DDAH1: variants seen among roughly 807,000 people sequenced by gnomAD.
DDAH1 encodes N(G),N(G)-dimethylarginine dimethylaminohydrolase 1.
A neutral mutation model predicts 28.8 loss-of-function variants in DDAH1; 19 were observed. The ratio of observed to expected loss-of-function variants is 0.66; its 90% CI spans 0.46 to 0.97. The LOEUF (loss-of-function observed/expected upper bound fraction) is 0.97, where lower values mean the gene tolerates loss of function less well. Among genes scored for constraint, DDAH1 ranks in the 50% least tolerant of loss-of-function variants. The pLI, the probability that DDAH1 is intolerant of heterozygous loss-of-function variation, is 0.00. For synonymous variants in DDAH1, 153 were observed against 154.4 expected (o/e 0.99, Z 0.07); for missense variants, 326 against 375.9 (o/e 0.87, Z 1.10).
At chr1:85,456,388 G>A (rs772093381) in intron 1 of DDAH1, among the ~76,000 whole-genome samples, 1 of 152,208 alleles carries the variant, frequency 6.6e-6, no homozygotes, top group Admixed American at 6.5e-5. Context: ...CCTAATTTAT[G>A]ATGGTTCAAC....
intron 1 of DDAH1, among the ~76,000 whole-genome samples, chr1:85,546,414 T>C (rs1379363329): frequency 1.3e-5 from 2 of 152,182 alleles, no homozygotes; most frequent in Non-Finnish European, 2.9e-5. Flanking sequence ...TTCAGAACTG[T>C]GAGCTAGTAA....
intron 2 of DDAH1, among the ~76,000 whole-genome samples, chr1:85,358,504 C>T (rs1431989374): frequency 6.6e-6 from 1 of 152,114 alleles, no homozygotes; most frequent in Non-Finnish European, 1.5e-5. Context: ...CAAAAATTAG[C>T]TGGGCATGGT....
At chr1:85,343,232 C>T (rs1648618494) in intron 4 of DDAH1, among the ~76,000 whole-genome samples, 1 of 152,190 alleles carries the variant, frequency 6.6e-6, no homozygotes. Context: ...TCCTACTTGG[C>T]CAATTTTGAC....
intron 2 of DDAH1, among the ~76,000 whole-genome samples, chr1:85,476,043 T>C (rs1655791947): frequency 6.6e-6 from 1 of 152,092 alleles, no homozygotes; most frequent in Admixed American, 6.6e-5. Context: ...TTTGTGTTTT[T>C]ATACAGACAG....
chr1:85,479,671 A>T (rs1180598915), intron 2 of DDAH1, among the ~76,000 whole-genome samples: 1 of 152,194 alleles, frequency 6.6e-6, no homozygotes, highest in Non-Finnish European at 1.5e-5. Context: ...TCCAGATGTT[A>T]TGGTAACAGG....
Position 85,350,433 on chromosome 1 carries a change from A to G in DDAH1, c.579T>C (p.Ser193=), listed in dbSNP as rs1344663045. The G allele has an allele frequency of 1.2e-6, 2 of 1,613,794 alleles. No homozygotes were observed. The highest frequency in any genetic ancestry group is 3.3e-4 in the Middle Eastern group (2 of 6,078). ...PNLIAIGSSE[S]AQKALKIMQQ... ...TATTTACCTTAAGGGCCTTCTGTGC[A>G]GATTCACTAGACCCAATTGCGATCA... Residue 193 remains serine (S), a synonymous_variant, in exon 4 of 6, where the codon TCT becomes TCC. Coordinates refer to ENST00000284031, the MANE Select transcript of DDAH1 (RefSeq NM_012137.4).
chr1:85,411,452 C>G (rs1652650228), intron 1 of DDAH1, among the ~76,000 whole-genome samples: 1 of 152,142 alleles, frequency 6.6e-6, no homozygotes, highest in Admixed American at 6.6e-5. Flanking sequence ...AATTTTGACC[C>G]TGATGAGGGG....
chr1:85,463,032 G>T (rs940625843), intron 1 of DDAH1, among the ~76,000 whole-genome samples: 7 of 152,234 alleles, frequency 4.6e-5, no homozygotes, highest in African/African-American at 1.4e-4. Context: ...TATGTCCACT[G>T]TATAGATGCG....
chr1:85,478,375 G>A (rs141825164), intron 2 of DDAH1, among the ~76,000 whole-genome samples: 4 of 152,128 alleles, frequency 2.6e-5, no homozygotes, highest in African/African-American at 9.7e-5. Flanking sequence ...CCTAAGACAG[G>A]GTAGTTTATA....
chr1:85,392,001 T>A (rs1378301785), intron 1 of DDAH1, among the ~76,000 whole-genome samples: 3 of 151,746 alleles, frequency 2.0e-5, no homozygotes, highest in Non-Finnish European at 4.4e-5. Flanking sequence ...TTTTTTTTAA[T>A]TTTTTTTTCA....
Position 85,378,065 on chromosome 1 carries a change from A to G in DDAH1, c.304-19218T>C, listed in dbSNP as rs147977674. Among the ~76,000 whole-genome samples, 16 of 152,336 alleles carry G rather than the reference A, an allele frequency of 1.1e-4. 1 individual carries two copies. In the East Asian group the frequency reaches 2.7e-3, roughly 26 times the overall value. On this transcript the variant is annotated intron_variant, in intron 1 of 5. Transcript: ENST00000284031. The stretch of plus-strand genomic sequence containing the variant: ...TGCATATTGCCATTTTATGAAGGAC[A>G]TAAGTAAAAGACTATTCTGTTCAAC...
intron 1 of DDAH1, among the ~76,000 whole-genome samples, chr1:85,371,072 G>A (rs79594869): frequency 0.049 from 7,459 of 152,246 alleles, 246 homozygotes; most frequent in South Asian, 0.18. Context: ...GACTCCAGGA[G>A]ACATTGCTCA....
At position 85,416,531 on chromosome 1, in the gene DDAH1, G is replaced by A. The variant is rs1481405992; in HGVS notation, c.303+48212C>T. 9.2e-5 allele frequency among the ~76,000 whole-genome samples: 14 copies of A among 152,272 alleles called. No homozygotes were observed. In the East Asian group the frequency reaches 2.3e-3, roughly 25 times the overall value. The stretch of plus-strand genomic sequence containing the variant: ...TTTGACTAGTTTGATTATCTGCAGG[G>A]AAATGTTCATAAAGTTCATAATATT... On this transcript the variant is annotated intron_variant, in intron 1 of 5. Transcript: ENST00000284031.
chr1:85,499,666 C>CAAA (rs56378574), intron 1 of DDAH1, among the ~76,000 whole-genome samples: 1 of 134,970 alleles, frequency 7.4e-6, no homozygotes. Context: ...GACTCCATCT[C>CAAA]AAAAAAAAAA....
At chr1:85,323,316 A>T (rs1433458249) in intron 5 of DDAH1, among the ~76,000 whole-genome samples, 1 of 152,150 alleles carries the variant, frequency 6.6e-6, no homozygotes. Context: ...CCGGGCAGAG[A>T]TGAGATGCTG....
intron 1 of DDAH1, among the ~76,000 whole-genome samples, chr1:85,459,552 C>T (rs17389112): frequency 0.24 from 36,380 of 152,038 alleles, 4,522 homozygotes; most frequent in Middle Eastern, 0.34. Context: ...AACTAGTTGG[C>T]GGTGATGATT....
intron 1 of DDAH1, among the ~76,000 whole-genome samples, chr1:85,517,076 G>A (rs1248331847): frequency 1.3e-5 from 2 of 151,998 alleles, no homozygotes; most frequent in Non-Finnish European, 2.9e-5. Context: ...CGGGATAACA[G>A]AGCACCTACC....
At chr1:85,543,794 T>C (rs1658541798) in intron 1 of DDAH1, among the ~76,000 whole-genome samples, 1 of 152,160 alleles carries the variant, frequency 6.6e-6, no homozygotes. Context: ...GTTAGTTTCA[T>C]AAACTTAACA....
At chr1:85,547,044 A>G (rs1354118466) in intron 1 of DDAH1, among the ~76,000 whole-genome samples, 1 of 152,116 alleles carries the variant, frequency 6.6e-6, no homozygotes, top group African/African-American at 2.4e-5. Flanking sequence ...TCCATCTCAA[A>G]AAGTCCAGCT....
Sources: allele counts gnomAD v4.1 joint callset (sites outside exome capture counted in the v4.1 genomes callset), GRCh38; gene constraint gnomAD v4.1.1; transcripts MANE v1.5; gene names NCBI Gene and HGNC (gene_info 2026-07-23, HGNC 2026-07-21).